The following PLEKHA7 variants were observed in gnomAD, a reference collection of about 807,000 sequenced individuals.
The protein encoded by PLEKHA7 is pleckstrin homology domain-containing family A member 7.
Under a neutral mutation model 170.0 loss-of-function variants are expected in PLEKHA7, and 104 were observed. The ratio of observed to expected loss-of-function variants is 0.61; its 90% CI spans 0.52 to 0.72. PLEKHA7 has a LOEUF of 0.72. Among genes scored for constraint, PLEKHA7 ranks in the 30% least tolerant of loss-of-function variants. The pLI is 0.00. For missense variants in PLEKHA7, 1,615 were observed against 1,671.7 expected, an observed-to-expected ratio of 0.97 and a Z score of 0.59; for synonymous variants, 648 against 660.8, an observed-to-expected ratio of 0.98 and a Z score of 0.30.
intron 9 of PLEKHA7, 51 bp downstream of exon 9, chr11:16,841,496 C>A: frequency 6.3e-7 from 1 of 1,576,606 alleles, no homozygotes; most frequent in Admixed American, 1.8e-5. Flanking sequence ...TATCTGGGTC[C>A]CAATCCTAGT....
rs1182313269 is a variant in PLEKHA7 at position 16,826,290 on chromosome 11, T to C, written c.1173A>G (p.Ala391=). The C allele has an allele frequency of 6.2e-7, 1 of 1,614,108 alleles. No individual in the cohort carries two copies. Among genetic ancestry groups the C allele is most frequent in the Non-Finnish European group, 8.5e-7 (1 of 1,180,034 alleles). ...AGGCAGGCAGCATTCCATTCTTCTCTGCCCGTTGGGGCTGTGCCTGCTGGC... is the reference window on the plus strand; with the variant it reads ...AGGCAGGCAGCATTCCATTCTTCTCCGCCCGTTGGGGCTGTGCCTGCTGGC... ...PRGQQAQPQR[A]EKNGMLPASY... The change falls in exon 10 of 27, where the codon GCA becomes GCG. Residue 391 remains alanine, a synonymous_variant. Transcript: ENST00000531066.
chr11:16,956,649 A>G (rs769349263), intron 3 of PLEKHA7, among the ~76,000 whole-genome samples: 1 of 152,230 alleles, frequency 6.6e-6, no homozygotes, highest in Non-Finnish European at 1.5e-5. Context: ...GACAGGGATA[A>G]AGGGAAATCC....
chr11:16,985,825 C>T (rs184519770), intron 3 of PLEKHA7, among the ~76,000 whole-genome samples: 52 of 152,346 alleles, frequency 3.4e-4, no homozygotes, highest in African/African-American at 1.2e-3. Context: ...TGCCCACAGG[C>T]ACCCTCCTTT....
At chr11:16,814,258 T>G (rs902917436) in intron 12 of PLEKHA7, among the ~76,000 whole-genome samples, 2 of 152,260 alleles carry the variant, frequency 1.3e-5, no homozygotes, top group Non-Finnish European at 2.9e-5. Context: ...AGAAGAAGGT[T>G]ATTCAAGATC....
rs61133161 is a variant in PLEKHA7, at chr11:16,803,236, G to A, written c.2067C>T (p.Ser689=). ...CACTCTGCTCACTCACGTCAGTGTCGCTCTCAGCGATCTTCACAGGCTTCA... is the reference window on the plus strand; with the variant it reads ...CACTCTGCTCACTCACGTCAGTGTCACTCTCAGCGATCTTCACAGGCTTCA... The part of the protein sequence containing the change: ...RSLKPVKIAE[S]DTDVKLSIFC... The change falls in exon 14 of 27, where the codon AGC becomes AGT. Residue 689 remains serine (S), a synonymous_variant. Coordinates refer to ENST00000531066, the MANE Select transcript of PLEKHA7 (RefSeq NM_001329630.2). 2.4e-5 allele frequency: 39 copies of A among 1,613,586 alleles called. No homozygotes were observed. The highest frequency in any genetic ancestry group is 3.3e-5 in the South Asian group (3 of 91,078).
chr11:16,834,452 C>CCCAA (rs746557127), intron 9 of PLEKHA7, among the ~76,000 whole-genome samples: 6 of 152,090 alleles, frequency 3.9e-5, no homozygotes, highest in Non-Finnish European at 7.4e-5. Flanking sequence ...AGGGACCAGG[C>CCCAA]CCATGCAGGG....
intron 25 of PLEKHA7, 79 bp downstream of exon 25, chr11:16,783,621 C>G (rs1471712347): frequency 7.6e-7 from 1 of 1,311,930 alleles, no homozygotes; most frequent in Non-Finnish European, 9.7e-7. Context: ...CCCCAGCCAG[C>G]CCGGCCCAGG....
intron 3 of PLEKHA7, among the ~76,000 whole-genome samples, chr11:16,940,293 T>G (rs554374137): frequency 4.1e-5 from 6 of 148,122 alleles, no homozygotes; most frequent in East Asian, 2.0e-4. Context: ...TTTTTTTTTT[T>G]TTTTTTTTTT....
intron 3 of PLEKHA7, among the ~76,000 whole-genome samples, chr11:16,965,740 T>C (rs914248384): frequency 2.6e-5 from 4 of 152,174 alleles, no homozygotes; most frequent in African/African-American, 9.7e-5. Context: ...ATTAGGTCAT[T>C]TCTTTTGGCC....
At chr11:16,967,237 T>G (rs1393938503) in intron 3 of PLEKHA7, among the ~76,000 whole-genome samples, 1 of 152,212 alleles carries the variant, frequency 6.6e-6, no homozygotes, top group African/African-American at 2.4e-5. Flanking sequence ...GTGGCTTTGC[T>G]AGTTAAAGTT....
At chr11:16,838,908 G>A (rs568148773) in intron 9 of PLEKHA7, among the ~76,000 whole-genome samples, 12 of 151,992 alleles carry the variant, frequency 7.9e-5, no homozygotes, top group Admixed American at 2.6e-4. Flanking sequence ...GGATGGTCTC[G>A]ATCTCCTGAC....
intron 3 of PLEKHA7, among the ~76,000 whole-genome samples, chr11:16,935,564 CT>C (rs1159840061): frequency 1.3e-5 from 2 of 152,302 alleles, no homozygotes; most frequent in East Asian, 3.9e-4. Context: ...GGAAACACAA[CT>C]TTGGAGACAT....
intron 3 of PLEKHA7, among the ~76,000 whole-genome samples, chr11:17,002,504 C>T (rs116490890): frequency 3.3e-5 from 5 of 152,086 alleles, no homozygotes; most frequent in Non-Finnish European, 5.9e-5. Flanking sequence ...AAGAAGACTT[C>T]GGTTCAAGTC....
chr11:16,878,977 TTCC>T (rs1456722923), intron 3 of PLEKHA7, among the ~76,000 whole-genome samples: 2 of 152,040 alleles, frequency 1.3e-5, no homozygotes, highest in African/African-American at 2.4e-5. Context: ...CCCCTACAAC[TTCC>T]TCAACTCCCC....
chr11:16,939,830 G>A (rs1447426829), intron 3 of PLEKHA7, among the ~76,000 whole-genome samples: 1 of 152,234 alleles, frequency 6.6e-6, no homozygotes, highest in Non-Finnish European at 1.5e-5. Context: ...TTTATGAAGA[G>A]TGAAAGGGTG....
chr11:16,799,306 A>G lies in PLEKHA7; in HGVS notation c.2409+1668T>C, dbSNP rs148551259. ...CTGCTCCCATTCCTGAATAAATCAT[A>G]TGATTCTATGCATGTGCATATTTTT... On this transcript the variant is annotated intron_variant, in intron 17 of 26. Transcript: ENST00000531066. Among the ~76,000 whole-genome samples, 30 of 152,338 alleles carry G rather than the reference A, an allele frequency of 2.0e-4. No individual in the cohort carries two copies. In the East Asian group the frequency reaches 5.6e-3, roughly 28 times the overall value.
At position 16,887,309 on chromosome 11, in the gene PLEKHA7, C is replaced by CTCTCCCTCTCCCCACGG. The variant is rs1257112358; in HGVS notation, c.222-16128_222-16127insCCGTGGGGAGAGGGAGA. Among the ~76,000 whole-genome samples, 1,083 of 145,508 alleles carry CTCTCCCTCTCCCCACGG rather than the reference C, an allele frequency of 7.4e-3. 12 individuals are homozygous for CTCTCCCTCTCCCCACGG. The highest frequency in any genetic ancestry group is 0.016 in the African/African-American group (608 of 38,170). On this transcript the variant is annotated intron_variant, in intron 3 of 26. Transcript: ENST00000531066. ...TAAAAATATAAACCTCAACCTCTCCCTCTCCCTCTCCCTCTCCCCACGGTC... is the reference window on the plus strand; with the variant it reads ...TAAAAATATAAACCTCAACCTCTCCCTCTCCCTCTCCCCACGGTCTCCCTCTCCCTCTCCCCACGGTC...
chr11:16,884,513 T>C (rs899708837), intron 3 of PLEKHA7, among the ~76,000 whole-genome samples: 1 of 152,110 alleles, frequency 6.6e-6, no homozygotes, highest in Admixed American at 6.5e-5. Context: ...TGGGCACCTG[T>C]AATTCCAGCT....
intron 3 of PLEKHA7, among the ~76,000 whole-genome samples, chr11:16,968,473 T>C (rs1464411388): frequency 6.6e-6 from 1 of 152,182 alleles, no homozygotes; most frequent in Non-Finnish European, 1.5e-5. Flanking sequence ...CTGCCCTCTG[T>C]CCTCCAGGGG....
Sources: gnomAD v4.1 joint callset for allele counts (sites outside exome capture counted in the v4.1 genomes callset) on GRCh38, gnomAD v4.1.1 for gene constraint, MANE v1.5 for transcripts, NCBI Gene and HGNC (gene_info 2026-07-23, HGNC 2026-07-21) for gene names.